NAV2: variants seen among roughly 807,000 people sequenced by gnomAD.
The protein encoded by NAV2 is helicase, APC down-regulated 1.
A neutral mutation model predicts 223.2 loss-of-function variants in NAV2; 54 were observed. The observed-to-expected ratio is 0.24, with a 90% confidence interval of 0.19 to 0.30. The LOEUF (loss-of-function observed/expected upper bound fraction) is 0.30. Among genes scored for constraint, NAV2 ranks in the 10% least tolerant of loss-of-function variants. The probability of loss-of-function intolerance (pLI) is 1.00; values close to 1 mark genes in which losing one functional copy is unlikely to be tolerated. For missense variants in NAV2, 2,806 were observed against 3,147.5 expected (o/e 0.89, Z 2.60); for synonymous variants, 1,279 against 1,239.3 (o/e 1.03, Z -0.67).
intron 1 of NAV2, among the ~76,000 whole-genome samples, chr11:19,818,231 ATTTTTTTTTTTTTTTTT>A (rs34649376): frequency 1.8e-5 from 1 of 56,036 alleles, no homozygotes; most frequent in Non-Finnish European, 2.9e-5. Context: ...GTATTTAGTG[ATTTTTTTTTTTTTTTTT>A]TTTTTTTTTT....
intron 1 of NAV2, among the ~76,000 whole-genome samples, chr11:19,550,363 A>T (rs2044650364): frequency 6.6e-6 from 1 of 152,222 alleles, no homozygotes. Flanking sequence ...TTAAGCACAT[A>T]CTGTGTACAG....
intron 1 of NAV2, among the ~76,000 whole-genome samples, chr11:19,362,938 A>G (rs1025424360): frequency 3.3e-5 from 5 of 152,242 alleles, no homozygotes; most frequent in Non-Finnish European, 5.9e-5. Flanking sequence ...CACGTTTTGT[A>G]TATCAGACAC....
At chr11:19,611,353 A>G (rs948564991) in intron 1 of NAV2, among the ~76,000 whole-genome samples, 2 of 152,084 alleles carry the variant, frequency 1.3e-5, no homozygotes, top group African/African-American at 4.8e-5. Context: ...ATGTCCTCAC[A>G]TTTCAAGAAA....
chr11:19,591,369 C>CT (rs1565080856), intron 1 of NAV2: 1 of 152,176 alleles, frequency 6.6e-6, no homozygotes. Flanking sequence ...GTTTCTCATT[C>CT]TTTTTTGTCT....
intron 1 of NAV2, among the ~76,000 whole-genome samples, chr11:19,428,098 T>C (rs1428771616): frequency 6.6e-6 from 1 of 152,240 alleles, no homozygotes. Context: ...AATGATTTCT[T>C]CTGCTATTAT....
At chr11:19,672,070 G>T (rs887890633) in intron 1 of NAV2, among the ~76,000 whole-genome samples, 1 of 152,222 alleles carries the variant, frequency 6.6e-6, no homozygotes, top group Non-Finnish European at 1.5e-5. Context: ...AATGAGAAAT[G>T]AGAAGGAAGA....
intron 1 of NAV2, among the ~76,000 whole-genome samples, chr11:19,536,109 A>C (rs555082545): frequency 6.6e-6 from 1 of 152,316 alleles, no homozygotes; most frequent in Admixed American, 6.5e-5. Context: ...GTTACGTGCC[A>C]AGTCTTATGT....
intron 1 of NAV2, among the ~76,000 whole-genome samples, chr11:19,810,094 G>T (rs1399902393): frequency 6.6e-6 from 1 of 152,184 alleles, no homozygotes; most frequent in African/African-American, 2.4e-5. Flanking sequence ...TTACATGGAA[G>T]ATTTTTCTCT....
intron 1 of NAV2, among the ~76,000 whole-genome samples, chr11:19,483,826 G>A (rs769519985): frequency 6.6e-6 from 1 of 152,070 alleles, no homozygotes; most frequent in Non-Finnish European, 1.5e-5. Context: ...AGGTTAAGGG[G>A]GGACCACTGT....
intron 32 of NAV2, among the ~76,000 whole-genome samples, chr11:20,101,442 G>A (rs752549578): frequency 3.3e-5 from 5 of 152,148 alleles, no homozygotes; most frequent in Admixed American, 1.3e-4. Context: ...TATCATGTGC[G>A]TACTGGGTGT....
At chr11:19,908,650 G>A (rs1325133848) in intron 6 of NAV2, among the ~76,000 whole-genome samples, 1 of 152,140 alleles carries the variant, frequency 6.6e-6, no homozygotes, top group Non-Finnish European at 1.5e-5. Context: ...CATTTAAATG[G>A]CCACATTTGC....
chr11:19,613,321 G>A (rs1009128818), intron 1 of NAV2, among the ~76,000 whole-genome samples: 2 of 152,058 alleles, frequency 1.3e-5, no homozygotes, highest in Non-Finnish European at 2.9e-5. Flanking sequence ...GGGGATGTGA[G>A]GCGTTAGGGA....
intron 1 of NAV2, among the ~76,000 whole-genome samples, chr11:19,397,418 T>TGTGTGTGTGTGTGTGTGTGTGCAC (rs57566081): frequency 3.2e-4 from 46 of 145,264 alleles, no homozygotes; most frequent in African/African-American, 1.2e-3. Context: ...TGTGTGTGTG[T>TGTGTGTGTGTGTGTGTGTGTGCAC]GCGCGCATGT....
chr11:19,791,385 T>C (rs2057508260), intron 1 of NAV2, among the ~76,000 whole-genome samples: 1 of 152,168 alleles, frequency 6.6e-6, no homozygotes, highest in Non-Finnish European at 1.5e-5. Context: ...CTGGGGCCTC[T>C]GAACACGTCA....
chr11:20,083,831 C>G (rs1368033070), intron 26 of NAV2, among the ~76,000 whole-genome samples: 2 of 152,214 alleles, frequency 1.3e-5, no homozygotes, highest in Admixed American at 1.3e-4. Flanking sequence ...AAATACTATG[C>G]ATGAAGGGCC....
chr11:19,497,939 G>A (rs1236158519), intron 1 of NAV2, among the ~76,000 whole-genome samples: 1 of 152,188 alleles, frequency 6.6e-6, no homozygotes, highest in Non-Finnish European at 1.5e-5. Flanking sequence ...TTCTGAGCCA[G>A]ACACTATCAG....
chr11:19,855,383 C>T (rs2585784), intron 3 of NAV2, among the ~76,000 whole-genome samples: 23,185 of 152,150 alleles, frequency 0.15, 2,293 homozygotes, highest in South Asian at 0.37. Flanking sequence ...TCCACCTGGT[C>T]ATTCGAAATC....
chr11:19,861,460 C>T (rs965329575), intron 3 of NAV2, among the ~76,000 whole-genome samples: 2 of 152,176 alleles, frequency 1.3e-5, no homozygotes, highest in Non-Finnish European at 2.9e-5. Flanking sequence ...CCTAAAATTA[C>T]AACACAGTAA....
chr11:19,774,303 A>G (rs1365786169), intron 1 of NAV2, among the ~76,000 whole-genome samples: 1 of 152,146 alleles, frequency 6.6e-6, no homozygotes, highest in East Asian at 1.9e-4. Flanking sequence ...TAGCCTTCCA[A>G]GTAGCTGGGA....
Sources: allele counts gnomAD v4.1 joint callset (sites outside exome capture counted in the v4.1 genomes callset), GRCh38; gene constraint gnomAD v4.1.1; transcripts MANE v1.5; gene names NCBI Gene and HGNC (gene_info 2026-07-23, HGNC 2026-07-21).